The following SPG11 variants were observed in gnomAD, a reference collection of about 807,000 sequenced individuals.
The protein encoded by SPG11 is spatacsin.
A neutral mutation model predicts 274.0 loss-of-function variants in SPG11; 222 were observed. The observed-to-expected ratio is 0.81, with a 90% CI of 0.73 to 0.91. The LOEUF (loss-of-function observed/expected upper bound fraction) is 0.91. Ranked by LOEUF, SPG11 falls within the 40% of genes least tolerant of loss-of-function variation. SPG11 has a pLI of 0.00. For missense variants in SPG11, 3,114 were observed against 2,872.7 expected (o/e 1.08, Z -1.92); for synonymous variants, 1,144 against 1,039.7 (o/e 1.10, Z -1.93).
chr15:44,630,452 C>A (rs991672508), intron 8 of SPG11, among the ~76,000 whole-genome samples: 7 of 152,134 alleles, frequency 4.6e-5, no homozygotes, highest in Admixed American at 2.0e-4. Context: ...TGGAGCCCTG[C>A]TCAATATCAA....
At position 44,569,027 on chromosome 15, in the gene SPG11, G is replaced by A. The variant is rs895193254; in HGVS notation, c.6585+371C>T. Among the ~76,000 whole-genome samples, 3 of 151,824 alleles carry A rather than the reference G, an allele frequency of 2.0e-5. No individual in the cohort carries two copies. In the East Asian group the frequency reaches 5.8e-4, roughly 29 times the overall value. On this transcript the variant is annotated intron_variant, in intron 35 of 39. Transcript: ENST00000261866. ...TCTCTACTAAAAACAAAAATTAGCC[G>A]GGCGTGGTGGTGCATGCCTGTAATC... is the stretch of plus-strand genomic sequence containing the variant.
chr15:44,572,723 C>A lies in SPG11; in HGVS notation c.6303G>T (p.Leu2101Phe). 1 of 1,614,074 alleles carries A rather than the reference C, an allele frequency of 6.2e-7. No individual in the cohort carries two copies. Among genetic ancestry groups the A allele is most frequent in the Admixed American group, 1.7e-5 (1 of 60,002 alleles). The change falls in exon 33 of 40, where the codon TTG becomes TTT. Residue 2101 changes from leucine (L) to phenylalanine (F), a missense_variant. Leu to Phe is a conservative substitution (Grantham distance 22). Coordinates refer to ENST00000261866, the MANE Select transcript of SPG11 (RefSeq NM_025137.4). ...QDRTLVGMKL[L>F]DKISSVPHGE... ...CATGGGGAACGGAGGAAATCTTATC[C>A]AACAACTTCATGCCTACCAATGTGC...
At chr15:44,622,862 A>G (rs987372153) in intron 11 of SPG11, 63 bp from the exon 12 acceptor site, 13 of 1,196,988 alleles carry the variant, frequency 1.1e-5, no homozygotes, top group Non-Finnish European at 1.6e-5. Context: ...TTGAACATAA[A>G]TATGTGTTAG....
chr15:44,582,559 C>G (rs1277871769), intron 30 of SPG11, among the ~76,000 whole-genome samples: 3 of 151,988 alleles, frequency 2.0e-5, no homozygotes, highest in Non-Finnish European at 4.4e-5. Context: ...AAAACAAAAA[C>G]AGTACAATAA....
intron 3 of SPG11, among the ~76,000 whole-genome samples, chr15:44,658,270 G>A (rs558083233): frequency 6.6e-6 from 1 of 152,184 alleles, no homozygotes; most frequent in East Asian, 1.9e-4. Context: ...AATCATATAA[G>A]GGGTAATTTG....
intron 28 of SPG11, among the ~76,000 whole-genome samples, chr15:44,587,274 G>A (rs751876900): frequency 6.6e-6 from 1 of 152,198 alleles, no homozygotes; most frequent in Non-Finnish European, 1.5e-5. Context: ...CCATAAGAGA[G>A]GGGCATGAGA....
chr15:44,646,375 T>C (rs893641097), intron 7 of SPG11, among the ~76,000 whole-genome samples: 2 of 152,166 alleles, frequency 1.3e-5, no homozygotes, highest in African/African-American at 4.8e-5. Context: ...CTTACAATCA[T>C]GGCAGAAAGT....
At chr15:44,592,508 T>C in intron 26 of SPG11, 70 bp from the exon 27 acceptor site, 2 of 907,218 alleles carry the variant, frequency 2.2e-6, no homozygotes, top group Non-Finnish European at 3.7e-6. Flanking sequence ...TAATGCCAAA[T>C]AAGAGAATGT....
chr15:44,646,681 A>C (rs1382974259), intron 7 of SPG11, among the ~76,000 whole-genome samples: 1 of 152,216 alleles, frequency 6.6e-6, no homozygotes, highest in African/African-American at 2.4e-5. Flanking sequence ...TTGCAGCAAC[A>C]CGGATGGAGC....
chr15:44,577,873 T>C (rs1174481880), intron 30 of SPG11, among the ~76,000 whole-genome samples: 3 of 152,164 alleles, frequency 2.0e-5, no homozygotes, highest in Non-Finnish European at 2.9e-5. Context: ...AGAAGCTCTC[T>C]AGTACCAGTT....
chr15:44,585,683 C>A lies in SPG11; in HGVS notation c.5074G>T (p.Val1692Leu). 6.2e-7 allele frequency: 1 copy of A among 1,613,450 alleles called. No homozygotes were observed. The highest frequency in any genetic ancestry group is 1.1e-5 in the South Asian group (1 of 91,066). The stretch of plus-strand genomic sequence containing the variant: ...ACAGGTAACTCAGCTAATTCTGCTA[C>A]CCTCCTGGCCAAAGCGAATTGTCCA... Reference protein sequence around the residue: ...TDGQFALARRVAELAELPVDN... With the variant: ...TDGQFALARRLAELAELPVDN... Residue 1692 changes from valine (V) to leucine (L), a missense_variant, in exon 29 of 40, where the codon GTA becomes TTA. Transcript: ENST00000261866.
At chr15:44,657,005 A>T in intron 4 of SPG11, 90 bp downstream of exon 4, 1 of 1,092,978 alleles carries the variant, frequency 9.1e-7, no homozygotes, top group Non-Finnish European at 1.3e-6. Context: ...AAGAAACACT[A>T]GTTAAAAAAA....
intron 33 of SPG11, among the ~76,000 whole-genome samples, chr15:44,572,101 T>C (rs1006169228): frequency 2.0e-5 from 3 of 152,276 alleles, no homozygotes; most frequent in African/African-American, 4.8e-5. Context: ...CATTCTAATA[T>C]ACAGTTTTTC....
rs2084147794 is a variant in SPG11, at chr15:44,633,600, A to G, written c.1640T>C (p.Phe547Ser). 1 of 1,613,642 alleles carries G rather than the reference A, an allele frequency of 6.2e-7. No individual in the cohort carries two copies. The highest frequency in any genetic ancestry group is 8.5e-7 in the Non-Finnish European group (1 of 1,179,858). Residue 547 changes from phenylalanine to serine, a missense_variant, in exon 8 of 40, where the codon TTC becomes TCC. By Grantham distance (155) the Phe-to-Ser change is radical (BLOSUM62 -2). Transcript: ENST00000261866. ...AAGATTTTCCTTGCTCTTCAAAAAGAAATTTACTGTGTCCAGCTGACGATT... is the reference window on the plus strand; with the variant it reads ...AAGATTTTCCTTGCTCTTCAAAAAGGAATTTACTGTGTCCAGCTGACGATT... ...IENRQLDTVN[F>S]FLKSKENLFN...
intron 22 of SPG11, 123 bp from the exon 23 acceptor site, chr15:44,598,496 C>G: frequency 8.0e-7 from 1 of 1,242,998 alleles, no homozygotes; most frequent in Non-Finnish European, 1.2e-6. Flanking sequence ...GAAAGTGAGA[C>G]AAAGAACACA....
intron 6 of SPG11, 72 bp downstream of exon 6, chr15:44,651,419 G>T: frequency 1.5e-6 from 2 of 1,358,746 alleles, no homozygotes; most frequent in South Asian, 1.2e-5. Context: ...CAGGCACTGA[G>T]GCAGAAGTAA....
chr15:44,642,364 CAA>C (rs36011354), intron 7 of SPG11, among the ~76,000 whole-genome samples: 1 of 44,530 alleles, frequency 2.2e-5, no homozygotes, highest in Non-Finnish European at 5.3e-5. Flanking sequence ...GACTCCATCT[CAA>C]AAAAAAAAAA....
chr15:44,663,484 C>A lies in SPG11; in HGVS notation c.164G>T (p.Gly55Val). 1.9e-6 allele frequency: 3 copies of A among 1,592,902 alleles called. No homozygotes were observed. Among genetic ancestry groups the A allele is most frequent in the Non-Finnish European group, 2.6e-6 (3 of 1,170,464 alleles). The stretch of plus-strand genomic sequence containing the variant: ...GAGGCTGCCCGCAGCCGTCAGGCTC[C>A]CCAGAGCCTCCGGCTGTGTGCGCAG... ...AQLRTQPEAL[G>V]SLTAAGSLQV... Residue 55 changes from glycine (G) to valine (V), a missense_variant, in exon 1 of 40, where the codon GGG becomes GTG. Coordinates refer to ENST00000261866, the MANE Select transcript of SPG11 (RefSeq NM_025137.4).
Position 44,596,112 on chromosome 15 carries a change from T to C in SPG11, c.4405A>G (p.Ile1469Val), listed in dbSNP as rs767802753. The C allele has an allele frequency of 6.8e-6, 11 of 1,613,736 alleles. No homozygotes were observed. Among genetic ancestry groups the C allele is most frequent in the Non-Finnish European group, 9.3e-6 (11 of 1,180,030 alleles). ...LVEAVKQQAP[I>V]LSVLASCLQG... is the part of the protein sequence containing the mutation. ...AGACATGAGGCCAGAACACTGAGGA[T>C]AGGGGCCTGTTGTTTCACTGCTTCA... The change falls in exon 25 of 40, where the codon ATC becomes GTC. Residue 1469 changes from isoleucine (I) to valine (V), a missense_variant. By Grantham distance (29) the Ile-to-Val change is conservative. Coordinates refer to ENST00000261866, the MANE Select transcript of SPG11 (RefSeq NM_025137.4).
Sources: gnomAD v4.1 joint callset for allele counts (sites outside exome capture counted in the v4.1 genomes callset) on GRCh38, gnomAD v4.1.1 for gene constraint, MANE v1.5 for transcripts, NCBI Gene and HGNC (gene_info 2026-07-23, HGNC 2026-07-21) for gene names.